Variants in AGTPBP1 observed in about 807,000 individuals in gnomAD.
The protein encoded by AGTPBP1 is cytosolic carboxypeptidase 1.
Under a neutral mutation model 143.9 loss-of-function variants are expected in AGTPBP1, and 70 were observed. That is an observed-to-expected ratio of 0.49 (90% CI 0.40 to 0.59). The LOEUF (loss-of-function observed/expected upper bound fraction) is 0.59. AGTPBP1 is among the 20% of genes least tolerant of loss of function. The pLI, the probability that AGTPBP1 is intolerant of heterozygous loss-of-function variation, is 0.00. For missense variants in AGTPBP1, 1,229 were observed against 1,464.5 expected (o/e 0.84, Z 2.62); for synonymous variants, 463 against 500.2 (o/e 0.93, Z 0.99).
At chr9:85,707,597 T>G (rs1837092353) in intron 2 of AGTPBP1, among the ~76,000 whole-genome samples, 1 of 152,146 alleles carries the variant, frequency 6.6e-6, no homozygotes, top group Non-Finnish European at 1.5e-5. Context: ...TTCAACAACT[T>G]TATGCCTATA....
chr9:85,727,554 G>C (rs1319629021), intron 1 of AGTPBP1, among the ~76,000 whole-genome samples: 5 of 152,206 alleles, frequency 3.3e-5, no homozygotes, highest in African/African-American at 1.2e-4. Context: ...TGGCTTAGCA[G>C]AAGAATTCTC....
chr9:85,799,373 A>G, the AGTPBP1 span, among the ~76,000 whole-genome samples: 3 of 152,140 alleles, frequency 2.0e-5, no homozygotes, highest in African/African-American at 7.2e-5. Context: ...GTCAAATGGT[A>G]TATCTAGTTC....
chr9:85,677,229 T>C (rs1478854467), intron 6 of AGTPBP1, among the ~76,000 whole-genome samples: 1 of 152,200 alleles, frequency 6.6e-6, no homozygotes, highest in Non-Finnish European at 1.5e-5. Context: ...TTTGAGGTGA[T>C]GGATACCCCA....
chr9:85,656,932 T>C (rs568391909), intron 10 of AGTPBP1, among the ~76,000 whole-genome samples: 160 of 151,418 alleles, frequency 1.1e-3, no homozygotes, highest in Middle Eastern at 6.8e-3. Flanking sequence ...CTTTACGGAA[T>C]CCCCTCTTGC....
chr9:85,592,659 T>C lies in AGTPBP1; in HGVS notation c.2469A>G (p.Gly823=), dbSNP rs867695846. The C allele has an allele frequency of 1.9e-6, 3 of 1,611,982 alleles. No individual in the cohort carries two copies. The highest frequency in any genetic ancestry group is 2.2e-5 in the South Asian group (2 of 90,420). ...TAAATGTAATTGTATAGTAGGATTT[T>C]CCCTTTTGCCCACCTGCAGCAACTG... ...RSSVAAGGQK[G]KSYYTITFTV... The change falls in exon 19 of 26, where the codon GGA becomes GGG. Residue 823 remains glycine, a synonymous_variant. Coordinates refer to ENST00000357081, the MANE Select transcript of AGTPBP1 (RefSeq NM_001330701.2).
chr9:85,714,293 T>C (rs1210545576), intron 1 of AGTPBP1, among the ~76,000 whole-genome samples: 3 of 152,224 alleles, frequency 2.0e-5, no homozygotes, highest in African/African-American at 7.2e-5. Context: ...GTGAAGTCAG[T>C]GCCTCAGTTG....
intron 13 of AGTPBP1, among the ~76,000 whole-genome samples, chr9:85,639,784 T>C (rs117415228): frequency 0.017 from 2,579 of 152,328 alleles, 36 homozygotes; most frequent in Middle Eastern, 0.037. Context: ...TTCATTATTC[T>C]GCCATCAAGA....
intron 13 of AGTPBP1, among the ~76,000 whole-genome samples, chr9:85,636,539 G>A (rs777661329): frequency 1.3e-4 from 20 of 152,052 alleles, no homozygotes; most frequent in Non-Finnish European, 2.5e-4. Flanking sequence ...TTACAGGCTT[G>A]AGCCACCGCA....
At chr9:85,617,652 AG>A (rs1308997850) in intron 17 of AGTPBP1, among the ~76,000 whole-genome samples, 4 of 152,186 alleles carry the variant, frequency 2.6e-5, no homozygotes. Flanking sequence ...GACAAATAGT[AG>A]GGAAAACCAG....
At chr9:85,655,107 A>G (rs769434167) in intron 11 of AGTPBP1, 36 bp downstream of exon 11, 94 of 1,500,650 alleles carry the variant, frequency 6.3e-5, no homozygotes, top group Non-Finnish European at 7.8e-5. Flanking sequence ...TAATTCTAAG[A>G]ACCCACAAAA....
At chr9:85,566,375 A>G (rs963840513) in intron 25 of AGTPBP1, among the ~76,000 whole-genome samples, 62 of 151,450 alleles carry the variant, frequency 4.1e-4, no homozygotes, top group African/African-American at 1.4e-3. Context: ...AAACAAACAA[A>G]AAAAATTAGC....
the AGTPBP1 span, among the ~76,000 whole-genome samples, chr9:85,798,033 C>G: frequency 6.6e-6 from 1 of 151,896 alleles, no homozygotes; most frequent in African/African-American, 2.4e-5. Context: ...GTTGGGAATA[C>G]AGGCATGTGC....
the AGTPBP1 span, chr9:85,787,849 G>C: frequency 6.6e-6 from 1 of 152,136 alleles, no homozygotes; most frequent in Non-Finnish European, 1.5e-5. Flanking sequence ...CTTCCTTGCG[G>C]AATCCATTTT....
intron 23 of AGTPBP1, among the ~76,000 whole-genome samples, chr9:85,580,173 G>T (rs887067075): frequency 6.6e-6 from 1 of 151,470 alleles, no homozygotes; most frequent in Non-Finnish European, 1.5e-5. Flanking sequence ...AGGAGGCAGA[G>T]GTTGCGTGAG....
the AGTPBP1 span, among the ~76,000 whole-genome samples, chr9:85,755,623 C>T: frequency 6.6e-6 from 1 of 152,034 alleles, no homozygotes; most frequent in Non-Finnish European, 1.5e-5. Context: ...CACTGTGGCC[C>T]AGGCAATATA....
intron 2 of AGTPBP1, among the ~76,000 whole-genome samples, chr9:85,694,578 T>C (rs753389444): frequency 6.6e-6 from 1 of 152,158 alleles, no homozygotes; most frequent in African/African-American, 2.4e-5. Context: ...TTCTTTGGGA[T>C]TCAATGACTC....
chr9:85,638,045 T>C (rs1832190350), intron 13 of AGTPBP1, among the ~76,000 whole-genome samples: 1 of 152,086 alleles, frequency 6.6e-6, no homozygotes. Flanking sequence ...TAATGTCAAA[T>C]AGGTTTTTTA....
At chr9:85,630,752 T>G (rs2098513350) in intron 14 of AGTPBP1, among the ~76,000 whole-genome samples, 1 of 151,958 alleles carries the variant, frequency 6.6e-6, no homozygotes, top group Non-Finnish European at 1.5e-5. Flanking sequence ...AGTGCTGGGA[T>G]TAGAGGGGTG....
At chr9:85,782,711 T>G in the AGTPBP1 span, among the ~76,000 whole-genome samples, 15 of 152,192 alleles carry the variant, frequency 9.9e-5, no homozygotes, top group Non-Finnish European at 1.3e-4. Flanking sequence ...GTCCCTCATA[T>G]TCTGACTGCT....
Sources: allele counts gnomAD v4.1 joint callset (sites outside exome capture counted in the v4.1 genomes callset), GRCh38; gene constraint gnomAD v4.1.1; transcripts MANE v1.5; gene names NCBI Gene and HGNC (gene_info 2026-07-23, HGNC 2026-07-21).